Variants in CLN8 observed in about 807,000 individuals in gnomAD.
CLN8 encodes the protein protein CLN8.
In CLN8, 14 loss-of-function variants were observed where a neutral mutation model predicts 15.7. The observed-to-expected ratio is 0.89, with a 90% confidence interval of 0.59 to 1.39. CLN8 has a LOEUF of 1.39. Ranked by LOEUF, CLN8 falls within the 40% of genes most tolerant of loss-of-function variation. The pLI is 0.00. For missense variants in CLN8, 415 were observed against 364.0 expected, an observed-to-expected ratio of 1.14 and a Z score of -1.14; for synonymous variants, 188 against 151.0, an observed-to-expected ratio of 1.25 and a Z score of -1.80.
intron 1 of CLN8, among the ~76,000 whole-genome samples, chr8:1,770,161 C>A (rs1801241604): frequency 6.6e-6 from 1 of 152,136 alleles, no homozygotes; most frequent in Admixed American, 6.5e-5. Flanking sequence ...CATGGGTCTC[C>A]CCTACTCTGG....
Position 1,780,489 on chromosome 8 carries a change from G to T in CLN8, c.783G>T (p.Val261=), listed in dbSNP as rs1208331055. The change falls in exon 3 of 3, where the codon GTG becomes GTT. Residue 261 remains valine, a synonymous_variant. Coordinates refer to ENST00000331222, the MANE Select transcript of CLN8 (RefSeq NM_018941.4). The stretch of plus-strand genomic sequence containing the variant: ...AGACTCAGCAGCTTCTCAATCCGGT[G>T]GACTGGAACTTCGCACAGCCAGAAG... ...HKKTQQLLNP[V]DWNFAQPEAK... 6.2e-7 allele frequency: 1 copy of T among 1,614,212 alleles called. No homozygotes were observed. The highest frequency in any genetic ancestry group is 1.1e-5 in the South Asian group (1 of 91,088).
At chr8:1,779,293 A>G (rs77205190) in intron 2 of CLN8, among the ~76,000 whole-genome samples, 1 of 152,190 alleles carries the variant, frequency 6.6e-6, no homozygotes, top group African/African-American at 2.4e-5. Context: ...TCCAGACTAG[A>G]TTGCAGTGGC....
intron 1 of CLN8, among the ~76,000 whole-genome samples, chr8:1,765,913 A>T (rs760599895): frequency 7.2e-5 from 11 of 152,262 alleles, no homozygotes; most frequent in Admixed American, 3.9e-4. Context: ...GGAAAAAAGC[A>T]TGCAACCTTT....
At chr8:1,776,421 G>C (rs1801518740) in intron 2 of CLN8, among the ~76,000 whole-genome samples, 1 of 151,884 alleles carries the variant, frequency 6.6e-6, no homozygotes. Flanking sequence ...GTGAGGGTTG[G>C]ATATGCATGT....
intron 2 of CLN8, among the ~76,000 whole-genome samples, chr8:1,777,539 G>A (rs957670100): frequency 2.6e-5 from 4 of 151,876 alleles, no homozygotes; most frequent in African/African-American, 9.7e-5. Context: ...ATAACACTTA[G>A]CTTAAAACAC....
intron 1 of CLN8, among the ~76,000 whole-genome samples, chr8:1,767,185 C>T (rs1208716255): frequency 6.6e-6 from 1 of 152,252 alleles, no homozygotes; most frequent in South Asian, 2.1e-4. Flanking sequence ...CCCACAGTAA[C>T]GAGTTAGACT....
upstream of CLN8, among the ~76,000 whole-genome samples, chr8:1,761,178 A>C (rs1380915133): frequency 2.7e-5 from 4 of 150,804 alleles, no homozygotes; most frequent in African/African-American, 4.9e-5. Context: ...TGTAACTGCC[A>C]ATCAGGTTCA....
At chr8:1,776,439 C>T (rs1327267218) in intron 2 of CLN8, among the ~76,000 whole-genome samples, 1 of 150,994 alleles carries the variant, frequency 6.6e-6, no homozygotes, top group Non-Finnish European at 1.5e-5. Flanking sequence ...TGTGGCCCTG[C>T]TCCAATATAC....
chr8:1,771,242 T>C lies in CLN8; in HGVS notation c.188T>C (p.Phe63Ser). 6.2e-7 allele frequency: 1 copy of C among 1,613,684 alleles called. No individual in the cohort carries two copies. The highest frequency in any genetic ancestry group is 8.5e-7 in the Non-Finnish European group (1 of 1,179,674). The change falls in exon 2 of 3, where the codon TTC becomes TCC. Residue 63 changes from phenylalanine (F) to serine (S), a missense_variant. Physicochemically the swap from Phe to Ser is radical, Grantham distance 155. Transcript: ENST00000331222. ...YRSLVAREKV[F>S]WDLAATRAVF... ...TCTTTGGTGGCCAGAGAGAAGGTCT[T>C]CTGGGACCTGGCGGCCACGCGTGCA...
chr8:1,783,272 C>G lies in CLN8; in HGVS notation c.*2705C>G, dbSNP rs543619964. On this transcript the variant is annotated 3_prime_UTR_variant, in exon 3 of 3. Coordinates refer to ENST00000331222, the MANE Select transcript of CLN8 (RefSeq NM_018941.4). ...AGCATTCAGCTGCACGTGTGTGCTG[C>G]GTGCTTCACATCCTCTATTGAGAGT... The G allele has an allele frequency of 1.3e-5, 2 of 152,264 alleles. No homozygotes were observed. Among genetic ancestry groups the G allele is most frequent in the Non-Finnish European group, 2.9e-5 (2 of 68,056 alleles). 9.4% of individuals were successfully genotyped at this position (152,264 alleles called of 1,614,324 possible).
In CLN8 at chr8:1,783,775, T is replaced by C. The variant is rs1221092106; in HGVS notation, c.*3208T>C. On this transcript the variant is annotated 3_prime_UTR_variant, in exon 3 of 3. Transcript: ENST00000331222. ...CTTCGCCCGGACAACTTGAATGAAA[T>C]GGGCACTGTTGATTCCACTTCTGTC... is the stretch of plus-strand genomic sequence containing the variant. 3 of 152,206 alleles carry C rather than the reference T, an allele frequency of 2.0e-5. No homozygotes were observed. The East Asian group carries it at 5.8e-4, about 29-fold the overall frequency. The allele number at this position is 152,206 out of a possible 1,614,324, so 9.4% of individuals were successfully genotyped here.
Position 1,780,399 on chromosome 8 carries a change from G to C in CLN8, c.693G>C (p.Leu231Phe), listed in dbSNP as rs1470702469. ...TCAGCAGCCTGTATCTGCCTCATTT[G>C]ACACTGTTCCTTGTCGGACTGGCTC... is the stretch of plus-strand genomic sequence containing the variant. ...GLVSSLYLPH[L>F]TLFLVGLALL... is the part of the protein sequence containing the mutation. The change falls in exon 3 of 3, where the codon TTG (leucine) becomes TTC (phenylalanine). Residue 231 changes from leucine to phenylalanine, a missense_variant. By Grantham distance (22) the Leu-to-Phe change is conservative. Coordinates refer to ENST00000331222, the MANE Select transcript of CLN8 (RefSeq NM_018941.4). The C allele has an allele frequency of 1.2e-6, 2 of 1,614,088 alleles. No individual in the cohort carries two copies. The highest frequency in any genetic ancestry group is 1.7e-6 in the Non-Finnish European group (2 of 1,180,040).
chr8:1,763,071 C>T (rs915981767), upstream of CLN8: 2 of 152,204 alleles, frequency 1.3e-5, no homozygotes, highest in Non-Finnish European at 2.9e-5. Flanking sequence ...GGTGTGGGCG[C>T]AGAAGGGCCG....
intron 2 of CLN8, among the ~76,000 whole-genome samples, chr8:1,772,169 C>G (rs1801336799): frequency 6.6e-6 from 1 of 152,108 alleles, no homozygotes; most frequent in Non-Finnish European, 1.5e-5. Flanking sequence ...AACTCCTGAC[C>G]TTGTGGTCCG....
chr8:1,761,205 C>G (rs918313728), upstream of CLN8, among the ~76,000 whole-genome samples: 2 of 151,656 alleles, frequency 1.3e-5, no homozygotes, highest in African/African-American at 4.8e-5. Context: ...CTACACAGAG[C>G]TGATTTATCC....
At chr8:1,758,878 A>G (rs1321230298), upstream of CLN8, 1 of 152,214 alleles carries the variant, frequency 6.6e-6, no homozygotes, top group Non-Finnish European at 1.5e-5. Context: ...CCAGACTCTT[A>G]GTTAAATCTC....
chr8:1,757,294 C>G (rs182262120), intron 1 of CLN8, among the ~76,000 whole-genome samples: 1 of 152,342 alleles, frequency 6.6e-6, no homozygotes, highest in Admixed American at 6.5e-5. Context: ...TGCTTCTCAA[C>G]CAAGGTCATG....
chr8:1,754,953 A>C (rs148871554), upstream of CLN8, among the ~76,000 whole-genome samples: 54 of 152,286 alleles, frequency 3.5e-4, no homozygotes, highest in Admixed American at 7.8e-4. Flanking sequence ...CCTTGCTGCA[A>C]AGCTCCAGAA....
chr8:1,777,563 GTA>G (rs907723552), intron 2 of CLN8, among the ~76,000 whole-genome samples: 2 of 151,698 alleles, frequency 1.3e-5, no homozygotes, highest in African/African-American at 4.8e-5. Context: ...TACATTGTGT[GTA>G]TATATATATA....
Sources: allele counts gnomAD v4.1 joint callset (sites outside exome capture counted in the v4.1 genomes callset), GRCh38; gene constraint gnomAD v4.1.1; transcripts MANE v1.5; gene names NCBI Gene and HGNC (gene_info 2026-07-23, HGNC 2026-07-21).